Variants in PCSK2 observed in about 807,000 individuals in gnomAD.
PCSK2 encodes the protein proprotein convertase subtilisin/kexin type 2, also known as neuroendocrine convertase 2.
PCSK2 carries 14 observed loss-of-function variants against 69.7 expected under a neutral mutation model. The ratio of observed to expected loss-of-function variants is 0.20; its 90% CI spans 0.13 to 0.31. PCSK2 has a LOEUF of 0.31. PCSK2 is among the 10% of genes least tolerant of loss of function. PCSK2 has a pLI of 1.00. For synonymous variants in PCSK2, 307 were observed against 320.7 expected, an observed-to-expected ratio of 0.96 and a Z score of 0.46; for missense variants, 544 against 842.5, an observed-to-expected ratio of 0.65 and a Z score of 4.39.
chr20:17,232,385 G>A (rs533186637), intron 1 of PCSK2, among the ~76,000 whole-genome samples: 138 of 152,312 alleles, frequency 9.1e-4, no homozygotes, highest in Non-Finnish European at 7.9e-4. Flanking sequence ...GTGGTATGTA[G>A]TAGTGTCTCA....
At chr20:17,303,453 TATTAAATATAATATATATTA>T (rs1568593301) in intron 2 of PCSK2, among the ~76,000 whole-genome samples, 1 of 104,748 alleles carries the variant, frequency 9.5e-6, no homozygotes, top group Non-Finnish European at 1.8e-5. Context: ...ATATATATTA[TATTAAATATAATATATATTA>T]TATATAATAT....
intron 1 of PCSK2, among the ~76,000 whole-genome samples, chr20:17,242,016 A>G (rs563327684): frequency 6.6e-6 from 1 of 152,326 alleles, no homozygotes; most frequent in Non-Finnish European, 1.5e-5. Flanking sequence ...TCTGGGTGTC[A>G]TTCTAGACTT....
At chr20:17,476,937 C>T (rs1156598659) in intron 11 of PCSK2, among the ~76,000 whole-genome samples, 1 of 152,228 alleles carries the variant, frequency 6.6e-6, no homozygotes, top group Non-Finnish European at 1.5e-5. Context: ...AGACCAACCC[C>T]ACCATCACTG....
chr20:17,349,698 T>C (rs544873700), intron 2 of PCSK2, among the ~76,000 whole-genome samples: 1 of 152,340 alleles, frequency 6.6e-6, no homozygotes, highest in East Asian at 1.9e-4. Context: ...AGGCAAGGTA[T>C]CTTACCATGC....
At chr20:17,377,243 AT>A (rs2030954117) in intron 5 of PCSK2, among the ~76,000 whole-genome samples, 2 of 152,236 alleles carry the variant, frequency 1.3e-5, no homozygotes, top group African/African-American at 4.8e-5. Flanking sequence ...AATTTGGAAC[AT>A]TATTTATGTT....
At chr20:17,399,037 AT>A in intron 5 of PCSK2, among the ~76,000 whole-genome samples, 1 of 152,280 alleles carries the variant, frequency 6.6e-6, no homozygotes, top group Admixed American at 6.5e-5. Flanking sequence ...TGCTCAATAA[AT>A]TTGTTCAATG....
chr20:17,227,330 T>C lies in PCSK2; in HGVS notation c.25T>C (p.Trp9Arg), dbSNP rs751380207. The change falls in exon 1 of 12, where the codon TGG becomes CGG. Residue 9 changes from tryptophan to arginine, a missense_variant. By Grantham distance (101) the Trp-to-Arg change is moderately radical. Coordinates refer to ENST00000262545, the MANE Select transcript of PCSK2 (RefSeq NM_002594.5). ...GATGAAGGGTGGTTGTGTCTCCCAG[T>C]GGAAGGCGGCCGCCGGGTTCCTCTT... is the stretch of plus-strand genomic sequence containing the variant. MKGGCVSQ[W>R]KAAAGFLFCV... 6.2e-7 allele frequency: 1 copy of C among 1,613,926 alleles called. No individual in the cohort carries two copies. Among genetic ancestry groups the C allele is most frequent in the Non-Finnish European group, 8.5e-7 (1 of 1,179,990 alleles).
At chr20:17,292,148 T>C (rs1231035525) in intron 2 of PCSK2, among the ~76,000 whole-genome samples, 3 of 152,224 alleles carry the variant, frequency 2.0e-5, no homozygotes, top group African/African-American at 7.2e-5. Flanking sequence ...ATGTGTCCCA[T>C]ATCTTGATCT....
At chr20:17,360,204 C>G (rs139872917) in intron 3 of PCSK2, among the ~76,000 whole-genome samples, 1 of 152,206 alleles carries the variant, frequency 6.6e-6, no homozygotes, top group East Asian at 1.9e-4. Context: ...AATTCTAAAT[C>G]AGGGAGGGTT....
chr20:17,460,360 C>T (rs990567533), intron 10 of PCSK2, among the ~76,000 whole-genome samples: 2 of 152,176 alleles, frequency 1.3e-5, no homozygotes, highest in East Asian at 3.8e-4. Flanking sequence ...GTGGCTTCTG[C>T]TTATTTCTCA....
intron 2 of PCSK2, among the ~76,000 whole-genome samples, chr20:17,331,660 G>A (rs1199162372): frequency 2.0e-5 from 3 of 151,984 alleles, no homozygotes; most frequent in Admixed American, 2.0e-4. Context: ...TCTCTCTACT[G>A]TGAACCACTC....
At chr20:17,347,736 T>C (rs1195114438) in intron 2 of PCSK2, among the ~76,000 whole-genome samples, 1 of 150,016 alleles carries the variant, frequency 6.7e-6, no homozygotes. Context: ...GAACTCTCTG[T>C]GCCTTCTTCT....
chr20:17,368,336 T>C (rs62201009), intron 4 of PCSK2, among the ~76,000 whole-genome samples: 31,895 of 152,108 alleles, frequency 0.21, 3,470 homozygotes, highest in Middle Eastern at 0.31. Context: ...AAAAGGAAAA[T>C]TATCACAGAG....
intron 11 of PCSK2, among the ~76,000 whole-genome samples, chr20:17,474,230 T>C (rs1210607090): frequency 3.9e-5 from 6 of 152,148 alleles, no homozygotes; most frequent in Admixed American, 2.0e-4. Context: ...TCAGGGGCTA[T>C]GGAAACCTGG....
At chr20:17,479,929 AAAG>A (rs2033365662) in intron 11 of PCSK2, among the ~76,000 whole-genome samples, 4 of 116,026 alleles carry the variant, frequency 3.4e-5, no homozygotes, top group Non-Finnish European at 5.9e-5. Context: ...GTTTATTCTC[AAAG>A]TCTGGAGTCT....
At chr20:17,295,189 T>C (rs1443768506) in intron 2 of PCSK2, among the ~76,000 whole-genome samples, 1 of 151,312 alleles carries the variant, frequency 6.6e-6, no homozygotes, top group East Asian at 1.9e-4. Flanking sequence ...GTTGTTTCAG[T>C]GAGGTCTGCA....
chr20:17,427,908 GGTCT>G (rs1568645048), intron 6 of PCSK2, among the ~76,000 whole-genome samples: 1 of 152,186 alleles, frequency 6.6e-6, no homozygotes, highest in Non-Finnish European at 1.5e-5. Flanking sequence ...AAAGCCACAT[GGTCT>G]CCTGAGGCCC....
chr20:17,249,753 A>T (rs2122972688), intron 1 of PCSK2, among the ~76,000 whole-genome samples: 1 of 152,306 alleles, frequency 6.6e-6, no homozygotes, highest in African/African-American at 2.4e-5. Context: ...CCAACAGTCA[A>T]ATACTGTATG....
chr20:17,469,583 A>G (rs1450918018), intron 11 of PCSK2, among the ~76,000 whole-genome samples: 1 of 152,106 alleles, frequency 6.6e-6, no homozygotes, highest in East Asian at 1.9e-4. Context: ...CACAAAGGGC[A>G]GAGCAGGACT....
Sources: gnomAD v4.1 joint callset for allele counts (sites outside exome capture counted in the v4.1 genomes callset) on GRCh38, gnomAD v4.1.1 for gene constraint, MANE v1.5 for transcripts, NCBI Gene and HGNC (gene_info 2026-07-23, HGNC 2026-07-21) for gene names.